DNASE1: variants seen among roughly 807,000 people sequenced by gnomAD.
DNASE1 encodes the protein deoxyribonuclease-1.
DNASE1 carries 40 observed loss-of-function variants against 33.9 expected under a neutral mutation model. The observed-to-expected ratio is 1.18, with a 90% CI of 0.92 to 1.54. The LOEUF (loss-of-function observed/expected upper bound fraction) is 1.54, where lower values mean the gene tolerates loss of function less well. DNASE1 is among the 40% of genes most tolerant of loss of function. The pLI is 0.00. For synonymous variants in DNASE1, 216 were observed against 160.0 expected, an observed-to-expected ratio of 1.35 and a Z score of -2.64; for missense variants, 518 against 372.6, an observed-to-expected ratio of 1.39 and a Z score of -3.21.
At chr16:3,660,997 G>C (rs901450329), downstream of DNASE1, 1 of 151,888 alleles carries the variant, frequency 6.6e-6, no homozygotes, top group Non-Finnish European at 1.5e-5. Flanking sequence ...CCTTTTTGCT[G>C]TTTTCTATTT....
At chr16:3,618,682 T>A (rs2041193989) in intron 1 of DNASE1, among the ~76,000 whole-genome samples, 1 of 152,192 alleles carries the variant, frequency 6.6e-6, no homozygotes, top group South Asian at 2.1e-4. Flanking sequence ...TGAGCTGAGA[T>A]GGTGCCATTG....
At chr16:3,612,682 T>C (rs1313009573) in intron 1 of DNASE1, among the ~76,000 whole-genome samples, 1 of 151,930 alleles carries the variant, frequency 6.6e-6, no homozygotes, top group Non-Finnish European at 1.5e-5. Context: ...GCGCTGAGAT[T>C]ACAGGCGTGA....
intron 1 of DNASE1, among the ~76,000 whole-genome samples, chr16:3,620,339 G>A (rs1263987686): frequency 6.6e-6 from 1 of 151,796 alleles, no homozygotes; most frequent in Admixed American, 6.6e-5. Context: ...GAGATCAAAA[G>A]GCTTCGTATA....
At chr16:3,663,371 G>A in exon 10 of DNASE1, 1 of 1,609,386 alleles carries the variant, frequency 6.2e-7, no homozygotes, top group Non-Finnish European at 8.5e-7. Flanking sequence ...GGGCAGGAGA[G>A]GCGTGCGGGG....
exon 10 of DNASE1, chr16:3,664,409 C>G: frequency 6.2e-7 from 1 of 1,611,610 alleles, no homozygotes; most frequent in Non-Finnish European, 8.5e-7. Context: ...TGGTTAGCTG[C>G]CCGGAGGGCA....
exon 10 of DNASE1, chr16:3,665,212 C>T (rs570939682): frequency 2.6e-5 from 4 of 152,306 alleles, no homozygotes; most frequent in East Asian, 1.9e-4. Context: ...CAGAAGCTGC[C>T]GAAGTCGGCA....
At chr16:3,613,643 G>C (rs1362897373) in intron 1 of DNASE1, among the ~76,000 whole-genome samples, 2 of 152,218 alleles carry the variant, frequency 1.3e-5, no homozygotes, top group Non-Finnish European at 2.9e-5. Flanking sequence ...ATGATAAGCA[G>C]CCCAGAGGCA....
At chr16:3,625,607 A>G (rs1284644610) in intron 1 of DNASE1, among the ~76,000 whole-genome samples, 1 of 152,138 alleles carries the variant, frequency 6.6e-6, no homozygotes, top group Non-Finnish European at 1.5e-5. Context: ...TGGGCAACAG[A>G]GCAAGACCCT....
At chr16:3,629,206 T>C (rs1379626057) in intron 1 of DNASE1, among the ~76,000 whole-genome samples, 2 of 151,464 alleles carry the variant, frequency 1.3e-5, no homozygotes, top group Non-Finnish European at 2.9e-5. Context: ...TGTAATAAGC[T>C]TTCTCGGGTT....
At chr16:3,640,634 AG>A (rs1262552226), upstream of DNASE1, 1 of 397,800 alleles carries the variant, frequency 2.5e-6, no homozygotes, top group Non-Finnish European at 4.4e-6. Flanking sequence ...ACAGCCTGTC[AG>A]GAGTTTGCTG....
At chr16:3,655,744 T>A (rs1371551281) in intron 2 of DNASE1, 105 bp from the exon 3 acceptor site, 7 of 1,493,408 alleles carry the variant, frequency 4.7e-6, no homozygotes, top group Non-Finnish European at 5.5e-6. Flanking sequence ...AGGCTGCGGT[T>A]AAACCGAGCA....
At chr16:3,658,827 C>T (rs141749443), downstream of DNASE1, 4 of 1,613,984 alleles carry the variant, frequency 2.5e-6, no homozygotes, top group African/African-American at 1.3e-5. Flanking sequence ...GCCAGGCTCG[C>T]TTGCGCGCAG....
chr16:3,664,378 G>T, exon 10 of DNASE1: 2 of 1,612,690 alleles, frequency 1.2e-6, no homozygotes, highest in Non-Finnish European at 1.7e-6. Context: ...GCCCGCATGC[G>T]GCTGGCGTAT....
At chr16:3,651,763 C>G (rs1177344734), upstream of DNASE1, 1 of 152,608 alleles carries the variant, frequency 6.6e-6, no homozygotes, top group Non-Finnish European at 1.5e-5. Flanking sequence ...GCAGACCTGG[C>G]AGTGTGAGAG....
intron 1 of DNASE1, among the ~76,000 whole-genome samples, chr16:3,644,998 C>T (rs2042131181): frequency 6.6e-6 from 1 of 151,928 alleles, no homozygotes; most frequent in Non-Finnish European, 1.5e-5. Flanking sequence ...GGCCTGGTGG[C>T]GCATGCCTGT....
downstream of DNASE1, chr16:3,661,068 A>C (rs1596680508): frequency 1.3e-5 from 2 of 152,292 alleles, no homozygotes; most frequent in South Asian, 4.1e-4. Flanking sequence ...AATTTCCCCC[A>C]AAAAAGAAAC....
At chr16:3,650,674 T>C (rs2042308054), upstream of DNASE1, 1 of 148,586 alleles carries the variant, frequency 6.7e-6, no homozygotes. Context: ...TAAACCCCAA[T>C]AATAAGCATT....
exon 10 of DNASE1, chr16:3,664,029 C>G: frequency 2.2e-6 from 1 of 463,044 alleles, no homozygotes; most frequent in Non-Finnish European, 3.8e-6. Context: ...CACCACTGCA[C>G]TCTAGCCTGG....
chr16:3,626,458 G>C (rs1023251939), intron 1 of DNASE1, among the ~76,000 whole-genome samples: 12 of 152,052 alleles, frequency 7.9e-5, no homozygotes, highest in South Asian at 2.1e-4. Flanking sequence ...TTCTGTTACT[G>C]GTTTCTAGTT....
Sources: gnomAD v4.1 joint callset for allele counts (sites outside exome capture counted in the v4.1 genomes callset) on GRCh38, gnomAD v4.1.1 for gene constraint, MANE v1.5 for transcripts, NCBI Gene and HGNC (gene_info 2026-07-23, HGNC 2026-07-21) for gene names.